The following RORA variants were observed in gnomAD, a reference collection of about 807,000 sequenced individuals.
RORA encodes the protein RAR related orphan receptor A.
In RORA, 7 loss-of-function variants were observed where a neutral mutation model predicts 69.5. That is an observed-to-expected ratio of 0.10 (90% CI 0.06 to 0.19). The LOEUF (loss-of-function observed/expected upper bound fraction) is 0.19. Ranked by LOEUF, RORA falls within the 10% of genes least tolerant of loss-of-function variation. RORA has a pLI of 1.00. For missense variants in RORA, 457 were observed against 663.0 expected (o/e 0.69, Z 3.41); for synonymous variants, 261 against 240.8 (o/e 1.08, Z -0.78).
intron 1 of RORA, among the ~76,000 whole-genome samples, chr15:60,941,282 G>A (rs551691014): frequency 6.6e-6 from 1 of 152,218 alleles, no homozygotes; most frequent in Non-Finnish European, 1.5e-5. Flanking sequence ...TGGACTTCAG[G>A]TTCCTTGTCC....
chr15:60,515,704 G>A (rs1024760017), intron 3 of RORA, among the ~76,000 whole-genome samples: 1 of 145,852 alleles, frequency 6.9e-6, no homozygotes, highest in South Asian at 2.1e-4. Flanking sequence ...ATCCAGATGT[G>A]ATTTAGAGGC....
chr15:60,943,797 T>C (rs908699558), intron 1 of RORA, among the ~76,000 whole-genome samples: 1 of 150,616 alleles, frequency 6.6e-6, no homozygotes, highest in African/African-American at 2.4e-5. Context: ...GTGCCTGTAA[T>C]CCCAGCTACT....
chr15:60,624,722 A>G (rs1436954893), intron 2 of RORA, among the ~76,000 whole-genome samples: 1 of 151,970 alleles, frequency 6.6e-6, no homozygotes, highest in African/African-American at 2.4e-5. Flanking sequence ...GTCACCTTTC[A>G]GGCAATTTGG....
chr15:60,979,307 C>T (rs1343712005), intron 1 of RORA, among the ~76,000 whole-genome samples: 1 of 111,444 alleles, frequency 9.0e-6, no homozygotes, highest in African/African-American at 3.5e-5. Flanking sequence ...AATATTTTGG[C>T]TATCCAATGT....
chr15:60,503,797 C>CTTATT lies in RORA; in HGVS notation c.943-135_943-131dup, dbSNP rs538292360. Reference sequence around the variant, plus strand: ...GCCACGAAGAGTGGCAAAGTGGGATCTTATTTTATTTTATTTTATTTTTGA... The same window carrying CTTATT: ...GCCACGAAGAGTGGCAAAGTGGGATCTTATTTTATTTTATTTTATTTTATTTTTGA... On this transcript the variant is annotated intron_variant, in intron 6 of 10. Coordinates refer to ENST00000335670, the MANE Select transcript of RORA (RefSeq NM_134261.3). 327 of 1,064,976 alleles carry CTTATT rather than the reference C, an allele frequency of 3.1e-4. 3 individuals are homozygous for CTTATT. The East Asian group carries it at 7.6e-3, about 25-fold the overall frequency. The allele number at this position is 1,064,976 out of a possible 1,614,324, so 66.0% of individuals were successfully genotyped here. A position where few individuals can be genotyped will look rare whatever the true frequency, so the allele number is the denominator to read the frequency against.
At chr15:60,557,886 TA>T (rs2067414029) in intron 2 of RORA, among the ~76,000 whole-genome samples, 1 of 152,240 alleles carries the variant, frequency 6.6e-6, no homozygotes, top group Non-Finnish European at 1.5e-5. Flanking sequence ...TTATCATAAA[TA>T]TTTTTAAAGA....
chr15:61,052,906 G>A (rs11853667), intron 1 of RORA, among the ~76,000 whole-genome samples: 33,024 of 152,108 alleles, frequency 0.22, 4,060 homozygotes, highest in Middle Eastern at 0.34. Flanking sequence ...CTGTTCGCCG[G>A]TACAAGATTA....
intron 1 of RORA, among the ~76,000 whole-genome samples, chr15:60,973,808 G>A (rs1242702903): frequency 1.3e-5 from 2 of 152,222 alleles, no homozygotes; most frequent in Admixed American, 1.3e-4. Context: ...ACTCCCTTCT[G>A]TAACCGTGGG....
chr15:60,772,218 C>A (rs941857904), intron 1 of RORA, among the ~76,000 whole-genome samples: 11 of 152,034 alleles, frequency 7.2e-5, no homozygotes, highest in Admixed American at 7.2e-4. Context: ...GGCCCCCACC[C>A]CCCTGACAGG....
At position 60,626,119 on chromosome 15, in the gene RORA, C is replaced by T. The variant is rs1274371787; in HGVS notation, c.196+52538G>A. Among the ~76,000 whole-genome samples the T allele has an allele frequency of 2.6e-5, 4 of 152,186 alleles. No homozygotes were observed. In the South Asian group the frequency reaches 6.2e-4, roughly 24 times the overall value. The stretch of plus-strand genomic sequence containing the variant: ...CCTGTGTTAGCTCACGACTATTTCC[C>T]TGCCTCTAACTTCTCTAGTTCCCCA... On this transcript the variant is annotated intron_variant, in intron 2 of 10. Coordinates refer to ENST00000335670, the MANE Select transcript of RORA (RefSeq NM_134261.3).
chr15:61,122,616 G>A lies in RORA; in HGVS notation c.166+106437C>T, dbSNP rs550721713. ...CTACGGAGGATATCACTTTTTTTCA[G>A]ATGAAAAAATTGAGGCTAAGAGAAT... On this transcript the variant is annotated intron_variant, in intron 1 of 10. Coordinates refer to ENST00000335670, the MANE Select transcript of RORA (RefSeq NM_134261.3). 6.6e-5 allele frequency among the ~76,000 whole-genome samples: 10 copies of A among 152,060 alleles called. No individual in the cohort carries two copies. In the South Asian group the frequency reaches 2.1e-3, roughly 32 times the overall value.
intron 2 of RORA, among the ~76,000 whole-genome samples, chr15:60,656,219 C>A (rs946702817): frequency 6.6e-6 from 1 of 152,162 alleles, no homozygotes; most frequent in African/African-American, 2.4e-5. Flanking sequence ...GAAACCAGGC[C>A]TAGCTGGAAT....
chr15:60,927,996 G>C (rs1892266363), intron 1 of RORA, among the ~76,000 whole-genome samples: 3 of 151,998 alleles, frequency 2.0e-5, no homozygotes, highest in Admixed American at 2.0e-4. Flanking sequence ...CCCTTGTTTG[G>C]GGCCCGTGCT....
At chr15:60,893,661 G>A (rs1891143086) in intron 1 of RORA, among the ~76,000 whole-genome samples, 1 of 152,090 alleles carries the variant, frequency 6.6e-6, no homozygotes, top group Non-Finnish European at 1.5e-5. Flanking sequence ...TAAGGGAAGC[G>A]GGGGCTGAAG....
At chr15:60,712,621 G>A (rs968839412) in intron 1 of RORA, among the ~76,000 whole-genome samples, 2 of 152,264 alleles carry the variant, frequency 1.3e-5, no homozygotes, top group African/African-American at 4.8e-5. Flanking sequence ...ATTACATGAC[G>A]GACTGGACCC....
At chr15:60,562,431 T>TGG (rs35181714) in intron 2 of RORA, among the ~76,000 whole-genome samples, 60 of 142,814 alleles carry the variant, frequency 4.2e-4, no homozygotes, top group South Asian at 1.8e-3. Context: ...GAGGCGGGGT[T>TGG]GGGGGGGGGT....
intron 1 of RORA, among the ~76,000 whole-genome samples, chr15:61,048,959 T>A (rs1004659792): frequency 6.6e-6 from 1 of 152,208 alleles, no homozygotes; most frequent in African/African-American, 2.4e-5. Flanking sequence ...GCCTTTGTAC[T>A]GGGGACAAAG....
chr15:60,836,574 C>T (rs923362891), intron 1 of RORA, among the ~76,000 whole-genome samples: 1 of 152,140 alleles, frequency 6.6e-6, no homozygotes, highest in African/African-American at 2.4e-5. Context: ...GGTCTAAGCT[C>T]CCTCTCCGAT....
At chr15:60,593,691 C>T (rs546044071) in intron 2 of RORA, among the ~76,000 whole-genome samples, 7 of 152,284 alleles carry the variant, frequency 4.6e-5, no homozygotes, top group African/African-American at 1.4e-4. Flanking sequence ...GCCAAGTTTG[C>T]GTACCTATTG....
Sources: allele counts gnomAD v4.1 joint callset (sites outside exome capture counted in the v4.1 genomes callset), GRCh38; gene constraint gnomAD v4.1.1; transcripts MANE v1.5; gene names NCBI Gene and HGNC (gene_info 2026-07-23, HGNC 2026-07-21).